Variants in ANKRD17 observed in about 807,000 individuals in gnomAD.
ANKRD17 encodes ankyrin repeat domain-containing protein 17.
Under a neutral mutation model 229.7 loss-of-function variants are expected in ANKRD17, and 19 were observed. The observed-to-expected ratio is 0.08, with a 90% CI of 0.06 to 0.12. The LOEUF is 0.12. Ranked by LOEUF, ANKRD17 falls within the 10% of genes least tolerant of loss-of-function variation. The probability of loss-of-function intolerance (pLI) is 1.00; values close to 1 mark genes in which losing one functional copy is unlikely to be tolerated. For missense variants in ANKRD17, 2,176 were observed against 3,176.8 expected, an observed-to-expected ratio of 0.68 and a Z score of 7.57; for synonymous variants, 1,112 against 1,146.1, an observed-to-expected ratio of 0.97 and a Z score of 0.60.
chr4:73,157,533 G>A (rs145360059), intron 3 of ANKRD17, among the ~76,000 whole-genome samples: 2 of 152,110 alleles, frequency 1.3e-5, no homozygotes, highest in Middle Eastern at 3.4e-3. Context: ...TAAATCCAGG[G>A]CTATTAATAT....
In ANKRD17 at chr4:73,258,445, T is replaced by C; in HGVS notation, c.224A>G (p.Lys75Arg). 6.2e-7 allele frequency: 1 copy of C among 1,609,298 alleles called. No homozygotes were observed. The highest frequency in any genetic ancestry group is 8.5e-7 in the Non-Finnish European group (1 of 1,178,880). The change falls in exon 1 of 34, where the codon AAG becomes AGG. Residue 75 changes from lysine to arginine, a missense_variant. Around this residue, in one of 18 missense-constraint regions of ANKRD17, gnomAD observed 196 missense variants for 190.0 expected, o/e 1.03. Coordinates refer to ENST00000358602, the MANE Select transcript of ANKRD17 (RefSeq NM_032217.5). ...KPPQQQHHKA[K>R]RNRTCRPPSS... is the part of the protein sequence containing the mutation. Reference sequence around the variant, plus strand: ...GGGGGGTCGGCAAGTCCGGTTACGCTTGGCCTTGTGGTGCTGCTGCTGCGG... The same window carrying C: ...GGGGGGTCGGCAAGTCCGGTTACGCCTGGCCTTGTGGTGCTGCTGCTGCGG...
At chr4:73,164,113 G>C (rs1181586942) in intron 2 of ANKRD17, among the ~76,000 whole-genome samples, 1 of 152,042 alleles carries the variant, frequency 6.6e-6, no homozygotes, top group Non-Finnish European at 1.5e-5. Context: ...TCATCTTTCG[G>C]TTAAATATAT....
At chr4:73,229,577 C>T (rs1304011269) in intron 1 of ANKRD17, among the ~76,000 whole-genome samples, 1 of 151,234 alleles carries the variant, frequency 6.6e-6, no homozygotes, top group Non-Finnish European at 1.5e-5. Context: ...CATAAATTCT[C>T]CAACAAATTA....
chr4:73,176,593 T>TAACCA (rs1250674125), intron 2 of ANKRD17, among the ~76,000 whole-genome samples: 27 of 151,956 alleles, frequency 1.8e-4, no homozygotes, highest in African/African-American at 6.5e-4. Context: ...GTGGGGATGG[T>TAACCA]TAATGAGTAT....
chr4:73,209,218 CAAAACAAAACAAAGA>C (rs1373319721), intron 1 of ANKRD17, among the ~76,000 whole-genome samples: 1 of 151,724 alleles, frequency 6.6e-6, no homozygotes, highest in Non-Finnish European at 1.5e-5. Context: ...AAACAAAAAA[CAAAACAAAACAAAGA>C]AAAACAAAAT....
chr4:73,245,142 CTT>C (rs1229917180), intron 1 of ANKRD17, among the ~76,000 whole-genome samples: 2 of 152,160 alleles, frequency 1.3e-5, no homozygotes, highest in Non-Finnish European at 2.9e-5. Context: ...CAGGAAATAA[CTT>C]TGTGAGTTCA....
chr4:73,136,109 C>T (rs1026084869), intron 15 of ANKRD17, among the ~76,000 whole-genome samples: 1 of 152,134 alleles, frequency 6.6e-6, no homozygotes. Flanking sequence ...TCCAAATATG[C>T]TGGCATAGGA....
chr4:73,254,129 A>T (rs1370840355), intron 1 of ANKRD17, among the ~76,000 whole-genome samples: 1 of 152,248 alleles, frequency 6.6e-6, no homozygotes. Flanking sequence ...ATTACAAAAA[A>T]GGAATTTAGA....
chr4:73,177,162 T>G (rs1044098446), intron 2 of ANKRD17, among the ~76,000 whole-genome samples: 3 of 152,216 alleles, frequency 2.0e-5, no homozygotes, highest in Non-Finnish European at 4.4e-5. Flanking sequence ...TCTCTCTTTG[T>G]AAGGTCAACT....
intron 28 of ANKRD17, 152 bp from the exon 29 acceptor site, chr4:73,092,452 G>T: frequency 1.5e-6 from 1 of 655,322 alleles, no homozygotes; most frequent in South Asian, 2.1e-5. Context: ...ACAAAAGCTG[G>T]GCAGCAATTT....
Position 73,091,169 on chromosome 4 carries a change from G to A in ANKRD17, c.6459C>T (p.Ala2153=), listed in dbSNP as rs749226380. Residue 2153 remains alanine, a synonymous_variant, in exon 29 of 34, where the codon GCC becomes GCT. Transcript: ENST00000358602. ...SSAPVAVPST[A]PVTYPMPQTP... ...TCTGAGGCATAGGGTAAGTCACTGG[G>A]GCAGTAGAAGGCACCGCCACTGGAG... The A allele has an allele frequency of 1.3e-5, 21 of 1,614,164 alleles. No homozygotes were observed. The highest frequency in any genetic ancestry group is 3.3e-4 in the Middle Eastern group (2 of 6,062).
chr4:73,246,481 A>G (rs1744511974), intron 1 of ANKRD17, among the ~76,000 whole-genome samples: 2 of 152,206 alleles, frequency 1.3e-5, no homozygotes, highest in Non-Finnish European at 2.9e-5. Context: ...CTCTTGAGGA[A>G]AGAAACAATT....
chr4:73,164,498 T>C lies in ANKRD17; in HGVS notation c.548-3150A>G, dbSNP rs190538291. Among the ~76,000 whole-genome samples the C allele has an allele frequency of 6.5e-3, 994 of 152,276 alleles. 10 individuals carry two copies. The highest frequency in any genetic ancestry group is 9.7e-3 in the Non-Finnish European group (662 of 68,000). ...CTTATCCAGCTATTGAATATTAAAG[T>C]GAAGATCGAAAAACAGAAAAGAGCT... On this transcript the variant is annotated intron_variant, in intron 2 of 33. Transcript: ENST00000358602.
intron 31 of ANKRD17, among the ~76,000 whole-genome samples, chr4:73,078,194 C>G (rs1050636062): frequency 8.6e-5 from 13 of 152,006 alleles, no homozygotes; most frequent in African/African-American, 3.1e-4. Flanking sequence ...CTGGCTAACA[C>G]GGTGAAACCC....
intron 29 of ANKRD17, among the ~76,000 whole-genome samples, chr4:73,087,026 C>A (rs1216988448): frequency 7.4e-6 from 1 of 134,948 alleles, no homozygotes; most frequent in Non-Finnish European, 1.5e-5. Flanking sequence ...GCTGTAGATA[C>A]AATTCTACAA....
In ANKRD17 at chr4:73,202,088, C is replaced by T. The variant is rs375249834; in HGVS notation, c.394-24555G>A. 6.1e-4 allele frequency among the ~76,000 whole-genome samples: 93 copies of T among 152,176 alleles called. 2 individuals are homozygous for T. In the South Asian group the frequency reaches 0.018, roughly 30 times the overall value. Reference sequence around the variant, plus strand: ...GCAAATTTGCCACAGCACAGTAGGTCTACTTTAGCATAATTCTCTCCACCA... The same window carrying T: ...GCAAATTTGCCACAGCACAGTAGGTTTACTTTAGCATAATTCTCTCCACCA... On this transcript the variant is annotated intron_variant, in intron 1 of 33. Transcript: ENST00000358602.
Position 73,102,425 on chromosome 4 carries a change from C to A in ANKRD17, c.4524G>T (p.Glu1508Asp), listed in dbSNP as rs747649765. Residue 1508 changes from glutamate to aspartate, a missense_variant, in exon 25 of 34, where the codon GAG (glutamate) becomes GAT (aspartate). Glu to Asp is a conservative substitution (Grantham distance 45, BLOSUM62 2). Coordinates refer to ENST00000358602, the MANE Select transcript of ANKRD17 (RefSeq NM_032217.5). ...CTTGAGCAGCTTGGAGTTCAAAGTTCTCTTTATTTTTGGCTTCAATTTCTT... is the reference window on the plus strand; with the variant it reads ...CTTGAGCAGCTTGGAGTTCAAAGTTATCTTTATTTTTGGCTTCAATTTCTT... ...KLEEIEAKNKENFELQAAQEK... is the reference protein window; with the variant it reads ...KLEEIEAKNKDNFELQAAQEK... 57 of 1,604,616 alleles carry A rather than the reference C, an allele frequency of 3.6e-5. No homozygotes were observed. Among genetic ancestry groups the A allele is most frequent in the Admixed American group, 2.2e-4 (13 of 57,888 alleles).
intron 30 of ANKRD17, among the ~76,000 whole-genome samples, chr4:73,081,588 G>C (rs1318745967): frequency 9.9e-5 from 15 of 152,184 alleles, no homozygotes; most frequent in Non-Finnish European, 1.0e-4. Context: ...AAAAACATCA[G>C]CTTATATATT....
chr4:73,091,528 C>A lies in ANKRD17; in HGVS notation c.6100G>T (p.Ala2034Ser), dbSNP rs1333502830. The change falls in exon 29 of 34, where the codon GCC (alanine) becomes TCC (serine). Residue 2034 changes from alanine to serine, a missense_variant. Around this residue, in one of 18 missense-constraint regions of ANKRD17, gnomAD observed 424 missense variants for 454.0 expected, o/e 0.93. Coordinates refer to ENST00000358602, the MANE Select transcript of ANKRD17 (RefSeq NM_032217.5). ...PTNATYPMPT[A>S]KEHYPVSSPS... ...GATGATACTGGATAGTGTTCTTTGG[C>A]AGTAGGCATAGGATATGTGGCATTT... The A allele has an allele frequency of 6.2e-7, 1 of 1,613,982 alleles. No individual in the cohort carries two copies. Among genetic ancestry groups the A allele is most frequent in the African/African-American group, 1.3e-5 (1 of 74,894 alleles).
Sources: gnomAD v4.1 joint callset for allele counts (sites outside exome capture counted in the v4.1 genomes callset) on GRCh38, gnomAD v4.1.1 for gene constraint, gnomAD v4.1.1 regional missense constraint, MANE v1.5 for transcripts, NCBI Gene and HGNC (gene_info 2026-07-23, HGNC 2026-07-21) for gene names.